Variants in IDO2 observed in about 807,000 individuals in gnomAD.
The protein encoded by IDO2 is indoleamine 2,3-dioxygenase-like 1 protein.
A neutral mutation model predicts 45.1 loss-of-function variants in IDO2; 46 were observed. That is an observed-to-expected ratio of 1.02 (90% CI 0.80 to 1.30). IDO2 has a LOEUF of 1.30. IDO2 is among the 50% of genes most tolerant of loss of function. IDO2 has a pLI of 0.00. For missense variants in IDO2, 544 were observed against 491.8 expected, an observed-to-expected ratio of 1.11 and a Z score of -1.00; for synonymous variants, 218 against 184.9, an observed-to-expected ratio of 1.18 and a Z score of -1.45.
At chr8:39,996,084 A>AAAAG (rs1802042828) in intron 8 of IDO2, among the ~76,000 whole-genome samples, 2 of 151,078 alleles carry the variant, frequency 1.3e-5, no homozygotes, top group Non-Finnish European at 2.9e-5. Context: ...AAAAAAAAAA[A>AAAAG]AAAAGAAAAG....
At chr8:39,970,979 A>C (rs60973996) in intron 3 of IDO2, among the ~76,000 whole-genome samples, 9 of 151,114 alleles carry the variant, frequency 6.0e-5, no homozygotes, top group South Asian at 2.1e-4. Flanking sequence ...GTTGGCCAAG[A>C]TGGTCTCTAT....
intron 9 of IDO2, among the ~76,000 whole-genome samples, chr8:40,008,221 T>G (rs1033327987): frequency 6.6e-6 from 1 of 152,040 alleles, no homozygotes; most frequent in Non-Finnish European, 1.5e-5. Flanking sequence ...GATTTTTGTA[T>G]TTTTCATAGA....
chr8:39,949,253 C>A lies in IDO2; in HGVS notation c.88C>A (p.Pro30Thr). 6.3e-7 allele frequency: 1 copy of A among 1,590,238 alleles called. No homozygotes were observed. Among genetic ancestry groups the A allele is most frequent in the Non-Finnish European group, 8.6e-7 (1 of 1,166,726 alleles). The change falls in exon 2 of 11, where the codon CCA (proline) becomes ACA (threonine). Residue 30 changes from proline to threonine, a missense_variant. By Grantham distance (38) the Pro-to-Thr change is conservative. Coordinates refer to ENST00000502986, the Ensembl canonical transcript of IDO2. ...ATCTGAAGAGTATGGCTTTCTTCTTCCAGATTCTCTGGTAAGGATAGAGCC... is the reference window on the plus strand; with the variant it reads ...ATCTGAAGAGTATGGCTTTCTTCTTACAGATTCTCTGGTAAGGATAGAGCC...
chr8:39,980,999 A>T (rs1183950182), intron 4 of IDO2, among the ~76,000 whole-genome samples: 3 of 149,458 alleles, frequency 2.0e-5, no homozygotes, highest in Non-Finnish European at 3.0e-5. Flanking sequence ...TGATCCACCC[A>T]CCTGAGCCTC....
intron 3 of IDO2, among the ~76,000 whole-genome samples, chr8:39,967,075 T>G (rs949061146): frequency 4.6e-5 from 7 of 152,132 alleles, no homozygotes; most frequent in Non-Finnish European, 1.0e-4. Context: ...AGTAAAACAT[T>G]GATTGCAAAA....
chr8:39,935,037 C>T (rs1807524847), exon 1 of IDO2: 1 of 766,368 alleles, frequency 1.3e-6, no homozygotes, highest in Admixed American at 1.9e-5. Context: ...GAAACATCCT[C>T]CTACACTGGA....
chr8:39,967,542 G>A (rs148925682), intron 3 of IDO2, among the ~76,000 whole-genome samples: 2,687 of 152,230 alleles, frequency 0.018, 36 homozygotes, highest in Non-Finnish European at 0.027. Flanking sequence ...AGGCTGGAGT[G>A]CAGTGGTGCT....
intron 3 of IDO2, among the ~76,000 whole-genome samples, chr8:39,964,661 C>T (rs1241052707): frequency 6.6e-6 from 1 of 152,178 alleles, no homozygotes; most frequent in East Asian, 1.9e-4. Flanking sequence ...GAGTAAGGGA[C>T]TGGCTTCAAT....
At chr8:39,978,550 G>C (rs965469542) in intron 3 of IDO2, among the ~76,000 whole-genome samples, 1 of 152,096 alleles carries the variant, frequency 6.6e-6, no homozygotes, top group African/African-American at 2.4e-5. Flanking sequence ...GAGGGCGGGG[G>C]TGGAGGGGGT....
chr8:40,015,632 C>A (rs761051665), exon 11 of IDO2: 2 of 1,524,516 alleles, frequency 1.3e-6, no homozygotes, highest in East Asian at 4.5e-5. Context: ...CAATGCAGAG[C>A]CCCCATGGAG....
At chr8:39,987,755 G>A (rs145324992) in intron 6 of IDO2, 116 bp from the exon 7 acceptor site, 1 of 636,156 alleles carries the variant, frequency 1.6e-6, no homozygotes, top group East Asian at 2.7e-5. Context: ...ACGGAGAGGA[G>A]AAAGTTGTGC....
At chr8:39,968,115 C>T (rs1808124290) in intron 3 of IDO2, among the ~76,000 whole-genome samples, 1 of 151,002 alleles carries the variant, frequency 6.6e-6, no homozygotes, top group Non-Finnish European at 1.5e-5. Context: ...ACAGGATATC[C>T]TTCAACCGGG....
chr8:39,995,241 TTCTCCTTCTCCTTCTTCTTCTTCC>T, intron 8 of IDO2: 1 of 99,352 alleles, frequency 1.0e-5, no homozygotes, highest in Non-Finnish European at 2.0e-5. Context: ...CTCCTTCTCC[TTCTCCTTCTCCTTCTTCTTCTTCC>T]TCTTCTTCTT....
chr8:39,975,004 G>A (rs2129594226), intron 3 of IDO2, among the ~76,000 whole-genome samples: 1 of 152,126 alleles, frequency 6.6e-6, no homozygotes, highest in East Asian at 2.0e-4. Context: ...AGCTACTTGG[G>A]AGGCTGAGGC....
chr8:39,976,597 G>A (rs578102401), intron 3 of IDO2, among the ~76,000 whole-genome samples: 7 of 152,302 alleles, frequency 4.6e-5, no homozygotes, highest in South Asian at 4.1e-4. Context: ...AAAGTGTTCA[G>A]CAGAAAATAG....
intron 8 of IDO2, among the ~76,000 whole-genome samples, chr8:39,993,786 G>A (rs72630553): frequency 0.074 from 11,243 of 152,108 alleles, 599 homozygotes; most frequent in East Asian, 0.34. Flanking sequence ...GAGGCGGGTG[G>A]ATCACATGAG....
In IDO2 at chr8:39,995,258, CTTCTTCCT is replaced by C. The variant is rs1563438313; in HGVS notation, c.667+5421_667+5428del. ...CCTTCTCCTTCTCCTTCTCCTTCTT[CTTCTTCCT>C]CTTCTTCTTCTTCTTCTTCTTCTTT... On this transcript the variant is annotated intron_variant, in intron 8 of 10. Coordinates refer to ENST00000502986, the Ensembl canonical transcript of IDO2. The C allele has an allele frequency of 3.7e-3, 405 of 108,232 alleles. 3 individuals are homozygous for C. Among genetic ancestry groups the C allele is most frequent in the African/African-American group, 0.016 (389 of 24,034 alleles). The allele number at this position is 108,232 out of a possible 1,614,324, so 6.7% of individuals were successfully genotyped here. A position where few individuals can be genotyped will look rare whatever the true frequency, so the allele number is the denominator to read the frequency against.
chr8:39,939,076 AC>A (rs1807600506), intron 1 of IDO2, among the ~76,000 whole-genome samples: 1 of 151,778 alleles, frequency 6.6e-6, no homozygotes, highest in South Asian at 2.1e-4. Context: ...ACATGGTGAA[AC>A]CCCGGCTCTA....
At position 40,007,454 on chromosome 8, in the gene IDO2, T is replaced by C. The variant is rs574636560; in HGVS notation, c.719+2076T>C. Among the ~76,000 whole-genome samples the C allele has an allele frequency of 2.0e-5, 3 of 152,044 alleles. No homozygotes were observed. In the South Asian group the frequency reaches 6.2e-4, roughly 32 times the overall value. ...GATTGAGAGTAATGGGTGTATGGTT[T>C]ATGGGGGAAAGGGAAAACAAAAAGA... is the stretch of plus-strand genomic sequence containing the variant. On this transcript the variant is annotated intron_variant, in intron 9 of 10. Transcript: ENST00000502986.
Sources: allele counts gnomAD v4.1 joint callset (sites outside exome capture counted in the v4.1 genomes callset), GRCh38; gene constraint gnomAD v4.1.1; transcripts MANE v1.5; gene names NCBI Gene and HGNC (gene_info 2026-07-23, HGNC 2026-07-21).